RNLS: variants seen among roughly 807,000 people sequenced by gnomAD.
RNLS encodes the protein renalase.
A neutral mutation model predicts 39.8 loss-of-function variants in RNLS; 39 were observed. The ratio of observed to expected loss-of-function variants is 0.98; its 90% CI spans 0.76 to 1.28. RNLS has a LOEUF of 1.28. Among genes scored for constraint, RNLS ranks in the 50% most tolerant of loss-of-function variants. The pLI is 0.00. For missense variants in RNLS, 410 were observed against 413.3 expected (o/e 0.99, Z 0.07); for synonymous variants, 147 against 150.7 (o/e 0.98, Z 0.18).
chr10:88,308,977 T>C (rs1188513118), intron 6 of RNLS, among the ~76,000 whole-genome samples: 4 of 152,314 alleles, frequency 2.6e-5, no homozygotes, highest in Non-Finnish European at 5.9e-5. Flanking sequence ...CAGGAAAACA[T>C]GGACGAAGCT....
chr10:88,364,421 T>G (rs1849884748), intron 4 of RNLS, among the ~76,000 whole-genome samples: 1 of 152,148 alleles, frequency 6.6e-6, no homozygotes. Context: ...CCTCATTTAG[T>G]CTTCACAAAA....
chr10:88,442,669 C>G (rs192928298), intron 4 of RNLS, among the ~76,000 whole-genome samples: 2 of 152,172 alleles, frequency 1.3e-5, no homozygotes, highest in South Asian at 4.2e-4. Context: ...TCAACAGTTC[C>G]TTCTTACTTG....
intron 4 of RNLS, among the ~76,000 whole-genome samples, chr10:88,464,035 C>G (rs1301179173): frequency 1.3e-5 from 2 of 152,036 alleles, no homozygotes; most frequent in African/African-American, 4.8e-5. Flanking sequence ...GTCTGGAAAC[C>G]AGGAGTCTAG....
At chr10:88,247,011 T>C in the RNLS span, among the ~76,000 whole-genome samples, 1 of 152,346 alleles carries the variant, frequency 6.6e-6, no homozygotes, top group African/African-American at 2.4e-5. Context: ...TGTATTGTTT[T>C]GTTATGAATC....
At position 88,436,930 on chromosome 10, in the gene RNLS, A is replaced by G. The variant is rs189120052; in HGVS notation, c.527-74205T>C. The stretch of plus-strand genomic sequence containing the variant: ...ATACAAGCTTGCGCTTTGTAATTTC[A>G]AGACCAAAAAAATGTTGGTAGAAAT... On this transcript the variant is annotated intron_variant, in intron 4 of 6. Transcript: ENST00000331772. Among the ~76,000 whole-genome samples, 206 of 152,368 alleles carry G rather than the reference A, an allele frequency of 1.4e-3. 1 individual carries two copies. The highest frequency in any genetic ancestry group is 4.7e-3 in the African/African-American group (197 of 41,590).
intron 4 of RNLS, among the ~76,000 whole-genome samples, chr10:88,545,857 T>C (rs561091675): frequency 3.9e-5 from 6 of 152,298 alleles, no homozygotes; most frequent in African/African-American, 1.4e-4. Context: ...GGTAAAAATA[T>C]CCAAATGTAT....
At chr10:88,216,456 T>C in the RNLS span, among the ~76,000 whole-genome samples, 47 of 152,350 alleles carry the variant, frequency 3.1e-4, no homozygotes, top group African/African-American at 1.0e-3. Context: ...TTAAGTAATA[T>C]AATGACCTCC....
At chr10:88,213,057 C>G in the RNLS span, among the ~76,000 whole-genome samples, 1 of 152,200 alleles carries the variant, frequency 6.6e-6, no homozygotes, top group Non-Finnish European at 1.5e-5. Flanking sequence ...CACCATCGCC[C>G]TGCATTCTAC....
At chr10:88,283,456 T>C (rs980059947), downstream of RNLS, among the ~76,000 whole-genome samples, 4 of 152,058 alleles carry the variant, frequency 2.6e-5, no homozygotes, top group Non-Finnish European at 5.9e-5. Context: ...AAAACAAATA[T>C]AGCATTGTTT....
chr10:88,414,572 G>A (rs1283007530), intron 4 of RNLS, among the ~76,000 whole-genome samples: 1 of 152,146 alleles, frequency 6.6e-6, no homozygotes, highest in East Asian at 1.9e-4. Context: ...TGCTCACTGT[G>A]TGCATGGAAA....
rs1849957267 is a variant in RNLS, at chr10:88,573,140, A to C, written c.368-79T>G. On this transcript the variant is annotated intron_variant, in intron 3 of 6. Transcript: ENST00000331772. Reference sequence around the variant, plus strand: ...AGGGGATGTGAGTAGTCACAAACTGAATCCATTCAAGTGAACAAAATGGCC... The same window carrying C: ...AGGGGATGTGAGTAGTCACAAACTGCATCCATTCAAGTGAACAAAATGGCC... 3.6e-6 allele frequency: 5 copies of C among 1,395,308 alleles called. No homozygotes were observed. In the Admixed American group the frequency reaches 9.3e-5, roughly 26 times the overall value. 86.4% of individuals were successfully genotyped at this position (1,395,308 alleles called of 1,614,324 possible). A position where few individuals can be genotyped will look rare whatever the true frequency, so the allele number is the denominator to read the frequency against.
At chr10:88,226,464 T>C in the RNLS span, among the ~76,000 whole-genome samples, 1 of 152,300 alleles carries the variant, frequency 6.6e-6, no homozygotes, top group African/African-American at 2.4e-5. Context: ...GAACACTTGA[T>C]AAAGTTGGAG....
At chr10:88,323,588 C>T (rs11202713) in intron 5 of RNLS, among the ~76,000 whole-genome samples, 60,499 of 151,974 alleles carry the variant, frequency 0.4, 12,341 homozygotes, top group East Asian at 0.53. Context: ...CCTTTCACCA[C>T]AGACAAAAAT....
chr10:88,563,219 C>T (rs1028602236), intron 4 of RNLS, among the ~76,000 whole-genome samples: 1 of 152,022 alleles, frequency 6.6e-6, no homozygotes, highest in African/African-American at 2.4e-5. Context: ...CTAAAGTACA[C>T]TCAGAGAAAT....
intron 6 of RNLS, among the ~76,000 whole-genome samples, chr10:88,275,934 G>T (rs1417475477): frequency 1.3e-5 from 2 of 151,894 alleles, no homozygotes; most frequent in Admixed American, 1.3e-4. Flanking sequence ...TGTGCCTGTA[G>T]TCCCAGCTAT....
At chr10:88,216,344 G>A in the RNLS span, among the ~76,000 whole-genome samples, 1 of 152,166 alleles carries the variant, frequency 6.6e-6, no homozygotes, top group African/African-American at 2.4e-5. Flanking sequence ...TTCAGGCACA[G>A]CTGGATCTAG....
chr10:88,232,243 C>A, the RNLS span, among the ~76,000 whole-genome samples: 1 of 152,122 alleles, frequency 6.6e-6, no homozygotes, highest in African/African-American at 2.4e-5. Context: ...AGGCCTGTGT[C>A]ACATGGGCCA....
intron 4 of RNLS, among the ~76,000 whole-genome samples, chr10:88,481,998 T>C (rs1195922911): frequency 6.6e-6 from 1 of 152,202 alleles, no homozygotes; most frequent in East Asian, 1.9e-4. Context: ...TCCAGTATCT[T>C]TCAAATGAGA....
chr10:88,557,351 G>A (rs2134366694), intron 4 of RNLS, among the ~76,000 whole-genome samples: 1 of 152,206 alleles, frequency 6.6e-6, no homozygotes, highest in Non-Finnish European at 1.5e-5. Context: ...AAAGTGTTCT[G>A]TGCTGGCTAC....
Sources: allele counts gnomAD v4.1 joint callset (sites outside exome capture counted in the v4.1 genomes callset), GRCh38; gene constraint gnomAD v4.1.1; transcripts MANE v1.5; gene names NCBI Gene and HGNC (gene_info 2026-07-23, HGNC 2026-07-21).